ME2: variants seen among roughly 807,000 people sequenced by gnomAD.
ME2 encodes the protein malic enzyme 2, also known as NAD-dependent malic enzyme, mitochondrial.
A neutral mutation model predicts 73.7 loss-of-function variants in ME2; 60 were observed. The observed-to-expected ratio is 0.81, with a 90% CI of 0.66 to 1.01. ME2 has a LOEUF of 1.01. Ranked by LOEUF, ME2 falls within the 50% of genes least tolerant of loss-of-function variation. ME2 has a pLI of 0.00. For synonymous variants in ME2, 199 were observed against 236.9 expected (o/e 0.84, Z 1.47); for missense variants, 594 against 705.5 (o/e 0.84, Z 1.79).
At chr18:50,888,857 AAG>A (rs1916542378) in intron 1 of ME2, among the ~76,000 whole-genome samples, 1 of 152,096 alleles carries the variant, frequency 6.6e-6, no homozygotes, top group Non-Finnish European at 1.5e-5. Flanking sequence ...CCTGAATGAT[AAG>A]AGTGTCTTTA....
At chr18:50,940,651 A>G (rs1293980250) in intron 15 of ME2, among the ~76,000 whole-genome samples, 2 of 152,128 alleles carry the variant, frequency 1.3e-5, no homozygotes, top group Admixed American at 1.3e-4. Context: ...AAGAATAGAG[A>G]TAGGGGTCTT....
intron 12 of ME2, among the ~76,000 whole-genome samples, chr18:50,929,882 C>T (rs1227430867): frequency 2.6e-5 from 4 of 151,900 alleles, no homozygotes; most frequent in African/African-American, 4.8e-5. Context: ...TTAAGTGTTT[C>T]GAGTAGTAGT....
Position 50,947,150 on chromosome 18 carries a change from A to T in ME2, c.1721A>T (p.Glu574Val), listed in dbSNP as rs1191467575. Reference sequence around the variant, plus strand: ...CTGCCAGATGTGTATGAATGGCCAGAATCTGCATCAAGCCCTCCTGTGATA... The same window carrying T: ...CTGCCAGATGTGTATGAATGGCCAGTATCTGCATCAAGCCCTCCTGTGATA... ...SLLPDVYEWP[E>V]SASSPPVITE is the part of the protein sequence containing the mutation. Residue 574 changes from glutamate (E) to valine (V), a missense_variant, in exon 16 of 16, where the codon GAA becomes GTA. Coordinates refer to ENST00000321341, the MANE Select transcript of ME2 (RefSeq NM_002396.5). 1 of 1,613,562 alleles carries T rather than the reference A, an allele frequency of 6.2e-7. No individual in the cohort carries two copies. The highest frequency in any genetic ancestry group is 1.1e-5 in the South Asian group (1 of 91,046).
intron 15 of ME2, chr18:50,942,558 A>G (rs1388207146): frequency 4.6e-6 from 1 of 217,914 alleles, no homozygotes; most frequent in Admixed American, 5.8e-5. Context: ...TCCAATCACT[A>G]TCTCTCTTTA....
chr18:50,882,176 T>C (rs1464482255), intron 1 of ME2, among the ~76,000 whole-genome samples: 1 of 152,096 alleles, frequency 6.6e-6, no homozygotes, highest in Non-Finnish European at 1.5e-5. Context: ...TTTTTAAATT[T>C]TTTGTAGAGA....
intron 2 of ME2, among the ~76,000 whole-genome samples, chr18:50,906,871 C>G (rs1917031437): frequency 6.6e-6 from 1 of 152,160 alleles, no homozygotes; most frequent in African/African-American, 2.4e-5. Context: ...GAGCTAGGAT[C>G]TTTTCAGGTC....
chr18:50,923,152 A>C (rs1917469383), intron 10 of ME2, among the ~76,000 whole-genome samples: 1 of 152,098 alleles, frequency 6.6e-6, no homozygotes, highest in Non-Finnish European at 1.5e-5. Flanking sequence ...GCCATCTTTA[A>C]CCAGAATTCC....
intron 13 of ME2, among the ~76,000 whole-genome samples, chr18:50,937,792 A>C (rs1277917364): frequency 6.6e-6 from 1 of 152,190 alleles, no homozygotes; most frequent in Non-Finnish European, 1.5e-5. Flanking sequence ...GGACAGGAGA[A>C]GGAAAATAAA....
chr18:50,929,808 A>G (rs1319203480), intron 12 of ME2, among the ~76,000 whole-genome samples: 1 of 152,326 alleles, frequency 6.6e-6, no homozygotes, highest in Non-Finnish European at 1.5e-5. Flanking sequence ...GTCTTCTACA[A>G]TGACTCTTGG....
intron 3 of ME2, among the ~76,000 whole-genome samples, chr18:50,910,339 T>TGAC (rs1917121677): frequency 1.4e-5 from 2 of 140,130 alleles, no homozygotes; most frequent in South Asian, 4.5e-4. Context: ...CTCAGAAGAC[T>TGAC]GACGCAGGAG....
At chr18:50,924,531 C>T (rs1020901239) in intron 11 of ME2, among the ~76,000 whole-genome samples, 1 of 152,084 alleles carries the variant, frequency 6.6e-6, no homozygotes, top group African/African-American at 2.4e-5. Context: ...TCAAAGTTTT[C>T]GTGGGCAACA....
At chr18:50,934,263 G>A (rs2144259576) in intron 13 of ME2, 1 of 152,250 alleles carries the variant, frequency 6.6e-6, no homozygotes, top group South Asian at 2.1e-4. Context: ...TCATATCTGA[G>A]TATTAAGGAA....
chr18:50,924,363 C>G lies in ME2; in HGVS notation c.1171+151C>G, dbSNP rs984499896. 8.8e-6 allele frequency: 5 copies of G among 570,740 alleles called. No homozygotes were observed. In the African/African-American group the frequency reaches 9.6e-5, roughly 11 times the overall value. The allele number at this position is 570,740 out of a possible 1,614,324, so 35.4% of individuals were successfully genotyped here. ...CTGTGATAACTTTTTGGTTACCATG[C>G]ATGAAATTCAGTTACCAGATGTTGC... is the stretch of plus-strand genomic sequence containing the variant. On this transcript the variant is annotated intron_variant, in intron 11 of 15. Transcript: ENST00000321341.
rs71171366 is a variant in ME2, at chr18:50,948,843, AT to A, written c.*1679del. On this transcript the variant is annotated 3_prime_UTR_variant, in exon 16 of 16. Coordinates refer to ENST00000321341, the MANE Select transcript of ME2 (RefSeq NM_002396.5). Reference sequence around the variant, plus strand: ...AGGCGTGAGCCACCGCACCCAGCCAATTTTTTTTTTTTTTTTTTTTGAGACA... The same window carrying A: ...AGGCGTGAGCCACCGCACCCAGCCAATTTTTTTTTTTTTTTTTTTGAGACA... 0.48 allele frequency: 53,230 copies of A among 111,354 alleles called. 11,685 individuals are homozygous for A. The highest frequency in any genetic ancestry group is 0.62 in the South Asian group (1,935 of 3,146). 6.9% of individuals were successfully genotyped at this position (111,354 alleles called of 1,614,324 possible).
rs1312758829 is a variant in ME2, at chr18:50,895,866, T to C, written c.46T>C (p.Cys16Arg). Reference sequence around the variant, plus strand: ...AGTTTCCACCACTTGTACTTTGGCATGTCGACATTTGCACATAAAAGAAAA... The same window carrying C: ...AGTTTCCACCACTTGTACTTTGGCACGTCGACATTTGCACATAAAAGAAAA... ...RVVSTTCTLA[C>R]RHLHIKEKGK... The change falls in exon 2 of 16, where the codon TGT becomes CGT. Residue 16 changes from cysteine (C) to arginine (R), a missense_variant. Cys to Arg is a radical substitution (Grantham distance 180). Coordinates refer to ENST00000321341, the MANE Select transcript of ME2 (RefSeq NM_002396.5). The C allele has an allele frequency of 6.2e-7, 1 of 1,613,648 alleles. No individual in the cohort carries two copies.
intron 3 of ME2, 113 bp from the exon 4 acceptor site, chr18:50,912,688 T>C: frequency 1.1e-6 from 1 of 882,614 alleles, no homozygotes; most frequent in Non-Finnish European, 1.6e-6. Flanking sequence ...TAGAATGTGA[T>C]GTGAGAATGG....
chr18:50,895,747 G>C (rs553926422), intron 1 of ME2, 62 bp from the exon 2 acceptor site: 2 of 999,140 alleles, frequency 2.0e-6, no homozygotes, highest in Non-Finnish European at 3.1e-6. Context: ...ACTGATACCC[G>C]ATGGACATGA....
At chr18:50,941,353 CTTTTTTTT>C (rs57428974) in intron 15 of ME2, among the ~76,000 whole-genome samples, 1 of 63,846 alleles carries the variant, frequency 1.6e-5, no homozygotes, top group African/African-American at 8.0e-5. Flanking sequence ...GTGATGGTTT[CTTTTTTTT>C]TTTTTTTTTT....
chr18:50,919,192 C>T (rs1917362390), intron 7 of ME2, among the ~76,000 whole-genome samples: 1 of 152,184 alleles, frequency 6.6e-6, no homozygotes, highest in South Asian at 2.1e-4. Flanking sequence ...TTTCTCTCCT[C>T]TCCAGTTCGT....
Sources: gnomAD v4.1 joint callset for allele counts (sites outside exome capture counted in the v4.1 genomes callset) on GRCh38, gnomAD v4.1.1 for gene constraint, MANE v1.5 for transcripts, NCBI Gene and HGNC (gene_info 2026-07-23, HGNC 2026-07-21) for gene names.